The following GRAPL variants were observed in gnomAD, a reference collection of about 807,000 sequenced individuals.
The protein encoded by GRAPL is GRB2 related adaptor protein like.
At chr17:19,144,640 C>T (rs1231211855) in intron 3 of GRAPL, among the ~76,000 whole-genome samples, 1 of 129,582 alleles carries the variant, frequency 7.7e-6, no homozygotes, top group South Asian at 3.4e-4. Flanking sequence ...CCTCTCCTCT[C>T]ACCAACTCAG....
chr17:19,146,657 G>A, intron 3 of GRAPL, among the ~76,000 whole-genome samples: 1 of 75,558 alleles, frequency 1.3e-5, no homozygotes. Flanking sequence ...AAAAAAAAAA[G>A]GGAGAAGTGG....
At position 19,149,847 on chromosome 17, in the gene GRAPL, G is replaced by A. The variant is rs969473471; in HGVS notation, c.300-8472G>A. Among the ~76,000 whole-genome samples the A allele has an allele frequency of 2.3e-4, 19 of 83,954 alleles. 4 individuals carry two copies. Among genetic ancestry groups the A allele is most frequent in the Non-Finnish European group, 5.4e-5 (3 of 55,860 alleles). 55.1% of individuals were successfully genotyped at this position (83,954 alleles called of 152,430 possible). On this transcript the variant is annotated intron_variant, in intron 3 of 3. Transcript: ENST00000344415. ...CACTTTGGGAGGCCGACCGAGGTGG[G>A]TGGATCACTTGAGGTCAGGAGTTTG...
intron 3 of GRAPL, among the ~76,000 whole-genome samples, chr17:19,147,012 T>G (rs1597952919): frequency 2.2e-5 from 2 of 91,752 alleles, no homozygotes; most frequent in African/African-American, 1.3e-4. Flanking sequence ...CCAGGAGAGG[T>G]AGGGGTGTGT....
intron 3 of GRAPL, among the ~76,000 whole-genome samples, chr17:19,149,270 A>G (rs2044719457): frequency 1.1e-5 from 1 of 88,258 alleles, no homozygotes; most frequent in Non-Finnish European, 1.8e-5. Context: ...CAGAGGTTGC[A>G]GTGAGCTGAG....
chr17:19,130,584 A>AAAAAAAG (rs1347835681), intron 1 of GRAPL, among the ~76,000 whole-genome samples: 1 of 97,894 alleles, frequency 1.0e-5, no homozygotes, highest in Admixed American at 1.2e-4. Context: ...AAAAAGAAAA[A>AAAAAAAG]AAAAAAGAAA....
intron 3 of GRAPL, among the ~76,000 whole-genome samples, chr17:19,149,081 G>C (rs2044717086): frequency 8.2e-6 from 1 of 121,698 alleles, no homozygotes; most frequent in Non-Finnish European, 1.7e-5. Flanking sequence ...TATAATCCCA[G>C]CACTTTGGGA....
chr17:19,149,641 A>G (rs2044723077), intron 3 of GRAPL, among the ~76,000 whole-genome samples: 1 of 108,936 alleles, frequency 9.2e-6, no homozygotes, highest in African/African-American at 5.9e-5. Flanking sequence ...CATGCCTGTA[A>G]TCCCAGCTAC....
intron 3 of GRAPL, among the ~76,000 whole-genome samples, chr17:19,149,250 A>C (rs1275827853): frequency 1.1e-5 from 1 of 94,680 alleles, no homozygotes; most frequent in Non-Finnish European, 1.8e-5. Flanking sequence ...AATTGCTTGA[A>C]CCTGGGAGGC....
intron 3 of GRAPL, among the ~76,000 whole-genome samples, chr17:19,147,016 G>GGGGT (rs777392473): frequency 4.6e-4 from 45 of 98,544 alleles, no homozygotes; most frequent in African/African-American, 2.3e-3. Flanking sequence ...GAGAGGTAGG[G>GGGGT]GTGTGTGTGT....
chr17:19,143,113 G>A (rs1370987731), intron 3 of GRAPL: 2 of 90,364 alleles, frequency 2.2e-5, no homozygotes, highest in Non-Finnish European at 3.4e-5. Flanking sequence ...CTGGGAAGCC[G>A]GGTGACCTGA....
intron 3 of GRAPL, among the ~76,000 whole-genome samples, chr17:19,149,910 C>G (rs2044725119): frequency 2.5e-5 from 1 of 40,312 alleles, no homozygotes; most frequent in Admixed American, 3.7e-4. Context: ...CCCGTCTCTA[C>G]TAAAAATACA....
chr17:19,150,073 C>CA (rs1269796625), intron 3 of GRAPL, among the ~76,000 whole-genome samples: 4 of 4,896 alleles, frequency 8.2e-4, no homozygotes, highest in Non-Finnish European at 5.4e-4. Flanking sequence ...GACTCCGTCT[C>CA]AAAAAAAAAA....
At chr17:19,147,173 GC>G (rs1279717259) in intron 3 of GRAPL, among the ~76,000 whole-genome samples, 1 of 145,842 alleles carries the variant, frequency 6.9e-6, no homozygotes, top group African/African-American at 2.7e-5. Flanking sequence ...AGGCTGAGGG[GC>G]TATCTACCTC....
chr17:19,147,016 G>GGTGTGT (rs764286470), intron 3 of GRAPL, among the ~76,000 whole-genome samples: 23 of 98,484 alleles, frequency 2.3e-4, no homozygotes, highest in East Asian at 1.2e-3. Flanking sequence ...GAGAGGTAGG[G>GGTGTGT]GTGTGTGTGT....
chr17:19,149,851 A>T (rs1305798348), intron 3 of GRAPL, among the ~76,000 whole-genome samples: 1 of 82,052 alleles, frequency 1.2e-5, no homozygotes, highest in Non-Finnish European at 1.8e-5. Context: ...AGGTGGGTGG[A>T]TCACTTGAGG....
chr17:19,149,023 C>G (rs1050727738), intron 3 of GRAPL, among the ~76,000 whole-genome samples: 4 of 130,252 alleles, frequency 3.1e-5, no homozygotes, highest in African/African-American at 1.1e-4. Flanking sequence ...TGGGCACAGA[C>G]GGGAAATGAG....
At chr17:19,149,730 T>C (rs1229576564) in intron 3 of GRAPL, among the ~76,000 whole-genome samples, 2 of 101,748 alleles carry the variant, frequency 2.0e-5, no homozygotes, top group Non-Finnish European at 3.2e-5. Flanking sequence ...CATTGCACTC[T>C]AGCCTGGGTG....
chr17:19,136,604 TG>T lies in GRAPL; in HGVS notation c.177-1860del, dbSNP rs539174949. On this transcript the variant is annotated intron_variant, in intron 2 of 3. Transcript: ENST00000344415. ...TGTCATGGTGCCACCACGAGACCTG[TG>T]GCTGCTCTGGGCCTCAGTTTCCCCA... is the stretch of plus-strand genomic sequence containing the variant. 1.7e-4 allele frequency among the ~76,000 whole-genome samples: 4 copies of T among 23,860 alleles called. No individual in the cohort carries two copies. In the East Asian group the frequency reaches 2.2e-3, roughly 13 times the overall value. The allele number at this position is 23,860 out of a possible 152,430, so 15.7% of individuals were successfully genotyped here. A position where few individuals can be genotyped will look rare whatever the true frequency, so the allele number is the denominator to read the frequency against.
At chr17:19,151,820 ATCCACCCGCC>A (rs2044730449) in intron 3 of GRAPL, among the ~76,000 whole-genome samples, 1 of 56,720 alleles carries the variant, frequency 1.8e-5, no homozygotes, top group African/African-American at 6.1e-5. Context: ...ACCTCAGGTG[ATCCACCCGCC>A]TCGGCCTCCC....
Sources: gnomAD v4.1 joint callset for allele counts (sites outside exome capture counted in the v4.1 genomes callset) on GRCh38, gnomAD v4.1.1 for gene constraint, MANE v1.5 for transcripts, NCBI Gene and HGNC (gene_info 2026-07-23, HGNC 2026-07-21) for gene names.